Variants in MARCO observed in about 807,000 individuals in gnomAD.
MARCO encodes the protein macrophage receptor MARCO.
In MARCO, 72 loss-of-function variants were observed where a neutral mutation model predicts 70.0. The ratio of observed to expected loss-of-function variants is 1.03; its 90% confidence interval spans 0.85 to 1.25. The LOEUF is 1.25. Ranked by LOEUF, MARCO falls within the 50% of genes most tolerant of loss-of-function variation. MARCO has a pLI of 0.00. For synonymous variants in MARCO, 273 were observed against 243.1 expected (o/e 1.12, Z -1.14); for missense variants, 696 against 659.3 (o/e 1.06, Z -0.61).
At chr2:118,959,399 TG>T (rs1679899540) in intron 1 of MARCO, among the ~76,000 whole-genome samples, 1 of 152,108 alleles carries the variant, frequency 6.6e-6, no homozygotes, top group Non-Finnish European at 1.5e-5. Flanking sequence ...ACATCACTAA[TG>T]ATCAGGGAAA....
intron 1 of MARCO, chr2:118,952,594 TC>T (rs1197053528): frequency 6.6e-6 from 1 of 152,236 alleles, no homozygotes; most frequent in Admixed American, 6.5e-5. Flanking sequence ...CTTTACCGGC[TC>T]CTGTGGCTTT....
intron 12 of MARCO, among the ~76,000 whole-genome samples, chr2:118,989,712 CTGGGG>C (rs1481866501): frequency 6.6e-6 from 1 of 152,222 alleles, no homozygotes; most frequent in Non-Finnish European, 1.5e-5. Context: ...CCATGCTTGG[CTGGGG>C]ACACAGATAC....
intron 1 of MARCO, among the ~76,000 whole-genome samples, chr2:118,960,511 G>A (rs1262970161): frequency 6.6e-6 from 1 of 152,106 alleles, no homozygotes; most frequent in African/African-American, 2.4e-5. Flanking sequence ...TTATAATGAT[G>A]AGAGTTTTAC....
At chr2:118,965,984 G>C (rs1680037928) in intron 1 of MARCO, among the ~76,000 whole-genome samples, 1 of 152,088 alleles carries the variant, frequency 6.6e-6, no homozygotes, top group South Asian at 2.1e-4. Flanking sequence ...GGTAGAGTGA[G>C]GACACCTGCT....
intron 6 of MARCO, among the ~76,000 whole-genome samples, chr2:118,976,512 A>G (rs1033637014): frequency 2.6e-5 from 4 of 151,506 alleles, no homozygotes; most frequent in South Asian, 2.1e-4. Context: ...TCTCTCCTCA[A>G]CAGATCCCTC....
At chr2:118,971,587 A>T in intron 4 of MARCO, 53 bp downstream of exon 4, 1 of 1,593,510 alleles carries the variant, frequency 6.3e-7, no homozygotes, top group South Asian at 1.1e-5. Flanking sequence ...AACCTCCCCA[A>T]AAGGGCCCCT....
intron 8 of MARCO, among the ~76,000 whole-genome samples, chr2:118,978,929 G>C (rs183524114): frequency 6.6e-6 from 1 of 152,220 alleles, no homozygotes; most frequent in East Asian, 1.9e-4. Flanking sequence ...GACAGACCTG[G>C]GTTCTGATAT....
intron 12 of MARCO, among the ~76,000 whole-genome samples, chr2:118,985,257 A>G (rs1680462088): frequency 6.6e-6 from 1 of 152,154 alleles, no homozygotes; most frequent in Non-Finnish European, 1.5e-5. Context: ...GGTTTTATGG[A>G]AGAACGTAGA....
chr2:118,994,146 A>G (rs897544532), intron 16 of MARCO, among the ~76,000 whole-genome samples: 1 of 152,140 alleles, frequency 6.6e-6, no homozygotes, highest in African/African-American at 2.4e-5. Context: ...TTTGCATGAG[A>G]CTTTTGTCAA....
chr2:118,992,330 G>A (rs1317568956), intron 14 of MARCO, 102 bp from the exon 15 acceptor site: 6 of 903,920 alleles, frequency 6.6e-6, no homozygotes, highest in Middle Eastern at 4.6e-4. Flanking sequence ...CGGAGCATCT[G>A]ACCACTCCCA....
intron 1 of MARCO, among the ~76,000 whole-genome samples, chr2:118,959,886 G>A (rs531037405): frequency 6.6e-6 from 1 of 152,160 alleles, no homozygotes; most frequent in Non-Finnish European, 1.5e-5. Flanking sequence ...AACATCATAT[G>A]TTATCACTGA....
intron 12 of MARCO, among the ~76,000 whole-genome samples, chr2:118,986,469 A>C (rs1051609452): frequency 6.8e-6 from 1 of 147,518 alleles, no homozygotes; most frequent in Non-Finnish European, 1.5e-5. Context: ...GCAGTGAGCT[A>C]TGATTGCACC....
chr2:118,990,909 T>G (rs370309673), intron 13 of MARCO, among the ~76,000 whole-genome samples: 48 of 152,200 alleles, frequency 3.2e-4, no homozygotes, highest in African/African-American at 1.1e-3. Context: ...TCAGGAGAGC[T>G]GGGGGTGCAG....
rs370820803 is a variant in MARCO, at chr2:118,958,258, C to T, written c.98-10902C>T. On this transcript the variant is annotated intron_variant, in intron 1 of 16. Transcript: ENST00000327097. ...CTGCTTACTTTGAAAACCTTAAGGG[C>T]TCCTCCAGAAAGCTCCTAGAACTGA... Among the ~76,000 whole-genome samples the T allele has an allele frequency of 3.3e-5, 5 of 152,108 alleles. No homozygotes were observed. In the East Asian group the frequency reaches 9.7e-4, roughly 29 times the overall value.
intron 1 of MARCO, among the ~76,000 whole-genome samples, chr2:118,953,656 C>A (rs1395285731): frequency 6.6e-6 from 1 of 152,116 alleles, no homozygotes; most frequent in African/African-American, 2.4e-5. Context: ...AAGAACAAAC[C>A]AGCAATCCTG....
intron 1 of MARCO, among the ~76,000 whole-genome samples, chr2:118,948,799 C>CCATG (rs1435045928): frequency 1.4e-5 from 2 of 140,890 alleles, no homozygotes; most frequent in African/African-American, 6.0e-5. Context: ...AGAATTGAAG[C>CCATG]TATGTTTGTT....
chr2:118,992,311 C>A, intron 14 of MARCO, 121 bp from the exon 15 acceptor site: 2 of 744,148 alleles, frequency 2.7e-6, no homozygotes, highest in South Asian at 1.6e-5. Flanking sequence ...AGGCCACAGG[C>A]GAGACCCACG....
chr2:118,989,165 C>G (rs1274105245), intron 12 of MARCO, among the ~76,000 whole-genome samples: 1 of 152,226 alleles, frequency 6.6e-6, no homozygotes, highest in Non-Finnish European at 1.5e-5. Flanking sequence ...GTGGTGACAT[C>G]TGACATCTTT....
intron 12 of MARCO, among the ~76,000 whole-genome samples, chr2:118,983,252 C>T (rs1680428259): frequency 6.6e-6 from 1 of 152,216 alleles, no homozygotes; most frequent in South Asian, 2.1e-4. Flanking sequence ...TGCCTCCACC[C>T]CTGTCCTCTG....
Sources: allele counts gnomAD v4.1 joint callset (sites outside exome capture counted in the v4.1 genomes callset), GRCh38; gene constraint gnomAD v4.1.1; transcripts MANE v1.5; gene names NCBI Gene and HGNC (gene_info 2026-07-23, HGNC 2026-07-21).